TSPAN5: variants seen among roughly 807,000 people sequenced by gnomAD.
TSPAN5 encodes the protein tetraspanin-5.
TSPAN5 carries 10 observed loss-of-function variants against 37.1 expected under a neutral mutation model. The ratio of observed to expected loss-of-function variants is 0.27; its 90% CI spans 0.17 to 0.46. The LOEUF (loss-of-function observed/expected upper bound fraction) is 0.46. Ranked by LOEUF, TSPAN5 falls within the 20% of genes least tolerant of loss-of-function variation. The pLI is 1.00. For missense variants in TSPAN5, 195 were observed against 326.6 expected (o/e 0.60, Z 3.11); for synonymous variants, 110 against 118.9 (o/e 0.93, Z 0.48).
intron 3 of TSPAN5, chr4:98,484,317 C>T (rs1390379878): frequency 7.6e-6 from 3 of 396,202 alleles, no homozygotes; most frequent in Non-Finnish European, 4.9e-6. Flanking sequence ...CCTAGATTTT[C>T]CCTCAGCAAG....
intron 7 of TSPAN5, among the ~76,000 whole-genome samples, chr4:98,473,145 A>G (rs1298311665): frequency 6.6e-6 from 1 of 152,230 alleles, no homozygotes; most frequent in African/African-American, 2.4e-5. Flanking sequence ...GAACATGAGC[A>G]TACAAGTTTT....
chr4:98,655,152 T>G (rs1757269610), intron 1 of TSPAN5, among the ~76,000 whole-genome samples: 1 of 152,128 alleles, frequency 6.6e-6, no homozygotes, highest in South Asian at 2.1e-4. Flanking sequence ...GCCTTGGTTT[T>G]TTTTTGTTTT....
At chr4:98,550,480 C>T (rs1754587257) in intron 1 of TSPAN5, among the ~76,000 whole-genome samples, 2 of 151,970 alleles carry the variant, frequency 1.3e-5, no homozygotes, top group South Asian at 4.1e-4. Context: ...GGGAGATGGT[C>T]ATTTTAACAA....
intron 1 of TSPAN5, among the ~76,000 whole-genome samples, chr4:98,533,691 C>T (rs1450383255): frequency 6.7e-6 from 1 of 148,978 alleles, no homozygotes; most frequent in Admixed American, 6.7e-5. Flanking sequence ...GCTGGGACTA[C>T]AGGCACCCGC....
intron 1 of TSPAN5, among the ~76,000 whole-genome samples, chr4:98,536,518 C>T (rs1180933963): frequency 6.6e-6 from 1 of 152,226 alleles, no homozygotes; most frequent in Non-Finnish European, 1.5e-5. Flanking sequence ...CAGCAGAGCT[C>T]AAACACTGTG....
At chr4:98,585,191 T>C (rs963044127) in intron 1 of TSPAN5, among the ~76,000 whole-genome samples, 6 of 152,332 alleles carry the variant, frequency 3.9e-5, no homozygotes, top group African/African-American at 1.4e-4. Flanking sequence ...ATATATTGCA[T>C]AGCAACAAAC....
chr4:98,498,376 G>A (rs565285501), intron 2 of TSPAN5, among the ~76,000 whole-genome samples: 16 of 152,192 alleles, frequency 1.1e-4, no homozygotes, highest in African/African-American at 3.4e-4. Context: ...TATTTCCAAC[G>A]TAACATCATA....
chr4:98,579,630 T>G (rs1486153378), intron 1 of TSPAN5, among the ~76,000 whole-genome samples: 1 of 152,218 alleles, frequency 6.6e-6, no homozygotes, highest in Non-Finnish European at 1.5e-5. Flanking sequence ...ACAAGAAAAT[T>G]GCGTTACAAG....
chr4:98,622,574 T>C (rs932664546), intron 1 of TSPAN5, among the ~76,000 whole-genome samples: 1 of 152,136 alleles, frequency 6.6e-6, no homozygotes, highest in African/African-American at 2.4e-5. Flanking sequence ...AAATGAGATA[T>C]TGAGTTGTGC....
intron 1 of TSPAN5, among the ~76,000 whole-genome samples, chr4:98,555,843 A>G (rs900404447): frequency 6.6e-6 from 1 of 152,168 alleles, no homozygotes; most frequent in African/African-American, 2.4e-5. Context: ...ACAGCTCCTC[A>G]GTAATCTGAC....
chr4:98,657,824 A>G (rs1303730943), intron 1 of TSPAN5: 2 of 348,956 alleles, frequency 5.7e-6, no homozygotes, highest in African/African-American at 4.3e-5. Flanking sequence ...AGCAAATCCA[A>G]TTCGTGTGGT....
intron 1 of TSPAN5, among the ~76,000 whole-genome samples, chr4:98,645,237 C>T (rs1343845891): frequency 6.6e-6 from 1 of 152,178 alleles, no homozygotes; most frequent in African/African-American, 2.4e-5. Flanking sequence ...AGGCCTCTGA[C>T]TCAGGCTTAC....
chr4:98,651,828 C>G (rs1579056960), intron 1 of TSPAN5, among the ~76,000 whole-genome samples: 1 of 142,614 alleles, frequency 7.0e-6, no homozygotes, highest in African/African-American at 2.6e-5. Context: ...TTCCTACGTA[C>G]TTTCTGATGA....
At chr4:98,519,146 A>G (rs148944456) in intron 1 of TSPAN5, among the ~76,000 whole-genome samples, 62 of 152,244 alleles carry the variant, frequency 4.1e-4, no homozygotes, top group African/African-American at 1.4e-3. Context: ...ATGAAAAGGC[A>G]GAGACTCTAT....
At chr4:98,477,952 G>C (rs1024016279) in intron 5 of TSPAN5, among the ~76,000 whole-genome samples, 1 of 152,134 alleles carries the variant, frequency 6.6e-6, no homozygotes, top group Admixed American at 6.5e-5. Context: ...GAACTACTAT[G>C]CCTGGCTTAA....
At chr4:98,628,145 A>G (rs72688487) in intron 1 of TSPAN5, among the ~76,000 whole-genome samples, 1 of 152,334 alleles carries the variant, frequency 6.6e-6, no homozygotes, top group Non-Finnish European at 1.5e-5. Flanking sequence ...CATTTTAAAC[A>G]CAAAAGTACA....
At chr4:98,624,683 C>T (rs1023620214) in intron 1 of TSPAN5, among the ~76,000 whole-genome samples, 3 of 152,112 alleles carry the variant, frequency 2.0e-5, no homozygotes, top group African/African-American at 4.8e-5. Context: ...ATCAGTATGA[C>T]GATAGTACTT....
At chr4:98,519,299 T>C (rs1482324542) in intron 1 of TSPAN5, among the ~76,000 whole-genome samples, 1 of 152,104 alleles carries the variant, frequency 6.6e-6, no homozygotes, top group Non-Finnish European at 1.5e-5. Context: ...GAGACCAGCC[T>C]GGGCAACACA....
chr4:98,608,355 C>T (rs1756089460), intron 1 of TSPAN5, among the ~76,000 whole-genome samples: 1 of 152,176 alleles, frequency 6.6e-6, no homozygotes, highest in Non-Finnish European at 1.5e-5. Context: ...ATATACTTTC[C>T]AGGCATTCAC....
Sources: gnomAD v4.1 joint callset for allele counts (sites outside exome capture counted in the v4.1 genomes callset) on GRCh38, gnomAD v4.1.1 for gene constraint, MANE v1.5 for transcripts, NCBI Gene and HGNC (gene_info 2026-07-23, HGNC 2026-07-21) for gene names.